The following DLG2 variants were observed in gnomAD, a reference collection of about 807,000 sequenced individuals.
DLG2 encodes the protein disks large homolog 2.
A neutral mutation model predicts 132.5 loss-of-function variants in DLG2; 45 were observed. The ratio of observed to expected loss-of-function variants is 0.34; its 90% CI spans 0.27 to 0.44. The LOEUF is 0.44. DLG2 is among the 20% of genes least tolerant of loss of function. The probability of loss-of-function intolerance (pLI) is 1.00; values close to 1 mark genes in which losing one functional copy is unlikely to be tolerated. For missense variants in DLG2, 1,045 were observed against 1,196.9 expected, an observed-to-expected ratio of 0.87 and a Z score of 1.87; for synonymous variants, 424 against 419.6, an observed-to-expected ratio of 1.01 and a Z score of -0.13.
At chr11:85,506,997 T>C (rs2093950908) in intron 3 of DLG2, among the ~76,000 whole-genome samples, 1 of 152,226 alleles carries the variant, frequency 6.6e-6, no homozygotes, top group Non-Finnish European at 1.5e-5. Flanking sequence ...TGATCTTTGT[T>C]GGTTTAAAGT....
intron 4 of DLG2, among the ~76,000 whole-genome samples, chr11:85,209,289 T>A (rs2082097865): frequency 6.6e-6 from 1 of 151,990 alleles, no homozygotes; most frequent in Non-Finnish European, 1.5e-5. Flanking sequence ...CAATGTTGAT[T>A]TTTTTTAGAT....
chr11:84,866,096 G>C (rs1037626135), intron 6 of DLG2, among the ~76,000 whole-genome samples: 3 of 152,198 alleles, frequency 2.0e-5, no homozygotes, highest in Non-Finnish European at 4.4e-5. Flanking sequence ...GTTTCCTATA[G>C]AGGTTGTAAA....
intron 6 of DLG2, among the ~76,000 whole-genome samples, chr11:84,634,225 T>C (rs1254512835): frequency 6.6e-6 from 1 of 152,204 alleles, no homozygotes; most frequent in Non-Finnish European, 1.5e-5. Context: ...TCTTTTCCTC[T>C]TACGTGATCT....
intron 16 of DLG2, among the ~76,000 whole-genome samples, chr11:83,848,083 T>C (rs116344162): frequency 6.2e-4 from 94 of 151,826 alleles, no homozygotes; most frequent in Non-Finnish European, 1.2e-3. Flanking sequence ...TCAGTTTAAA[T>C]TGTGCTCTGT....
chr11:84,121,067 A>G (rs1262357239), intron 9 of DLG2, among the ~76,000 whole-genome samples: 2 of 152,208 alleles, frequency 1.3e-5, no homozygotes, highest in African/African-American at 2.4e-5. Context: ...GTATTTAAAA[A>G]TATTTATTGA....
rs76756707 is a variant in DLG2 at position 84,417,545 on chromosome 11, T to A, written c.519+117025A>T. ...TCATCTATTTGCCTTCCAGGTCAGT[T>A]TGAAAATCCAAGGCTCTTGATGACT... On this transcript the variant is annotated intron_variant, in intron 7 of 27. Coordinates refer to ENST00000376104, the MANE Select transcript of DLG2 (RefSeq NM_001142699.3). 4.7e-3 allele frequency among the ~76,000 whole-genome samples: 711 copies of A among 152,246 alleles called. 2 individuals carry two copies. Among genetic ancestry groups the A allele is most frequent in the Non-Finnish European group, 7.4e-3 (503 of 67,998 alleles).
intron 19 of DLG2, among the ~76,000 whole-genome samples, chr11:83,584,141 A>G (rs1305438291): frequency 6.6e-6 from 1 of 152,152 alleles, no homozygotes; most frequent in Non-Finnish European, 1.5e-5. Context: ...TCTGTTTCCT[A>G]TTATAGACTT....
At chr11:84,707,907 T>C (rs1006168469) in intron 6 of DLG2, among the ~76,000 whole-genome samples, 2 of 151,802 alleles carry the variant, frequency 1.3e-5, no homozygotes, top group African/African-American at 4.8e-5. Context: ...TTTGGAAGCA[T>C]GGTCAGTCCC....
intron 6 of DLG2, among the ~76,000 whole-genome samples, chr11:84,880,773 T>G (rs1243909397): frequency 6.6e-6 from 1 of 152,164 alleles, no homozygotes; most frequent in Non-Finnish European, 1.5e-5. Context: ...TGCATTGGTA[T>G]TGGTTGACTT....
chr11:85,400,748 C>A (rs2087987918), intron 3 of DLG2, among the ~76,000 whole-genome samples: 1 of 149,284 alleles, frequency 6.7e-6, no homozygotes, highest in Non-Finnish European at 1.5e-5. Flanking sequence ...CACATGGACA[C>A]AGGAAGGGGA....
chr11:84,032,800 G>T (rs2095741624), intron 11 of DLG2, among the ~76,000 whole-genome samples: 1 of 152,142 alleles, frequency 6.6e-6, no homozygotes, highest in African/African-American at 2.4e-5. Flanking sequence ...TATGGAGCTG[G>T]TGACTTTAAG....
intron 18 of DLG2, among the ~76,000 whole-genome samples, chr11:83,664,870 T>G (rs1284500278): frequency 1.3e-5 from 2 of 152,228 alleles, no homozygotes; most frequent in Non-Finnish European, 2.9e-5. Context: ...AGCATTTAAC[T>G]GAGTCCTGGA....
chr11:83,956,021 C>G (rs560979411), intron 14 of DLG2, among the ~76,000 whole-genome samples: 22 of 152,150 alleles, frequency 1.4e-4, no homozygotes, highest in African/African-American at 5.3e-4. Context: ...TAATAAACTC[C>G]CCTTATACAT....
At chr11:85,077,572 T>G (rs2066709909) in intron 6 of DLG2, among the ~76,000 whole-genome samples, 1 of 151,990 alleles carries the variant, frequency 6.6e-6, no homozygotes, top group South Asian at 2.1e-4. Flanking sequence ...GAATGGAAAG[T>G]TGAACCTCAC....
chr11:83,511,148 C>T (rs2095011983), intron 21 of DLG2, among the ~76,000 whole-genome samples: 1 of 149,588 alleles, frequency 6.7e-6, no homozygotes, highest in African/African-American at 2.5e-5. Flanking sequence ...CATAGCCCAG[C>T]AGGTTCATTC....
At chr11:84,043,011 A>G (rs2096133610) in intron 11 of DLG2, among the ~76,000 whole-genome samples, 1 of 151,730 alleles carries the variant, frequency 6.6e-6, no homozygotes, top group African/African-American at 2.4e-5. Flanking sequence ...TTTTTAGTTG[A>G]CTACTGCTTA....
chr11:85,122,949 T>TTATATATATATTA (rs1555376285), intron 5 of DLG2, among the ~76,000 whole-genome samples: 5 of 48,166 alleles, frequency 1.0e-4, no homozygotes, highest in African/African-American at 5.0e-4. Flanking sequence ...TGTATATATA[T>TTATATATATATTA]TATATATATA....
At chr11:84,243,015 C>CTATATA (rs1338945171) in intron 8 of DLG2, among the ~76,000 whole-genome samples, 2 of 140,254 alleles carry the variant, frequency 1.4e-5, no homozygotes, top group South Asian at 4.7e-4. Context: ...CTCTCTCTCT[C>CTATATA]TCTATATATA....
intron 3 of DLG2, among the ~76,000 whole-genome samples, chr11:85,401,223 A>T (rs941361633): frequency 1.3e-4 from 20 of 152,236 alleles, no homozygotes; most frequent in African/African-American, 4.6e-4. Context: ...CATAAACAGA[A>T]CCAATGACAA....
Sources: gnomAD v4.1 joint callset for allele counts (sites outside exome capture counted in the v4.1 genomes callset) on GRCh38, gnomAD v4.1.1 for gene constraint, MANE v1.5 for transcripts, NCBI Gene and HGNC (gene_info 2026-07-23, HGNC 2026-07-21) for gene names.